AFF3: variants seen among roughly 807,000 people sequenced by gnomAD.
AFF3 encodes the protein ALF transcription elongation factor 3.
A neutral mutation model predicts 129.7 loss-of-function variants in AFF3; 32 were observed. The observed-to-expected ratio is 0.25, with a 90% confidence interval of 0.19 to 0.33. AFF3 has a LOEUF of 0.33. AFF3 is among the 10% of genes least tolerant of loss of function. The pLI, the probability that AFF3 is intolerant of heterozygous loss-of-function variation, is 1.00. For synonymous variants in AFF3, 644 were observed against 635.4 expected (o/e 1.01, Z -0.20); for missense variants, 1,373 against 1,592.0 (o/e 0.86, Z 2.34).
chr2:99,830,701 C>CACCAGCCTG (rs1365875392), intron 8 of AFF3, among the ~76,000 whole-genome samples: 1 of 152,174 alleles, frequency 6.6e-6, no homozygotes, highest in Non-Finnish European at 1.5e-5. Context: ...TGCCACTGTA[C>CACCAGCCTG]ACCAGCCTGG....
chr2:99,678,100 C>T (rs527984749), intron 11 of AFF3, among the ~76,000 whole-genome samples: 5 of 152,348 alleles, frequency 3.3e-5, no homozygotes, highest in East Asian at 1.9e-4. Context: ...ACATTCAAAT[C>T]AGCATTGTCA....
intron 9 of AFF3, among the ~76,000 whole-genome samples, chr2:99,747,842 A>C (rs1034222297): frequency 6.6e-6 from 1 of 152,120 alleles, no homozygotes; most frequent in African/African-American, 2.4e-5. Context: ...GTACATTGAA[A>C]CAACAACTGC....
chr2:99,639,632 G>A (rs1683994661), intron 13 of AFF3, among the ~76,000 whole-genome samples: 1 of 151,812 alleles, frequency 6.6e-6, no homozygotes, highest in African/African-American at 2.4e-5. Flanking sequence ...GAGATTAGCT[G>A]GAAAGGTGTC....
intron 7 of AFF3, among the ~76,000 whole-genome samples, chr2:99,847,830 G>T (rs1300363198): frequency 6.6e-6 from 1 of 152,108 alleles, no homozygotes; most frequent in Admixed American, 6.5e-5. Context: ...GGGAGCTTCA[G>T]AACTGCTTTC....
chr2:99,850,683 T>A (rs1690078919), intron 7 of AFF3, among the ~76,000 whole-genome samples: 2 of 152,236 alleles, frequency 1.3e-5, no homozygotes, highest in African/African-American at 4.8e-5. Flanking sequence ...ATTCTGGTCA[T>A]TTCCAACAAT....
At chr2:99,605,799 C>T (rs1680274003) in intron 13 of AFF3, among the ~76,000 whole-genome samples, 1 of 152,174 alleles carries the variant, frequency 6.6e-6, no homozygotes, top group African/African-American at 2.4e-5. Context: ...CATCCCTCCT[C>T]AGCCTCCCAA....
At chr2:100,024,630 T>A (rs976741140) in intron 4 of AFF3, among the ~76,000 whole-genome samples, 5 of 151,542 alleles carry the variant, frequency 3.3e-5, no homozygotes, top group Admixed American at 6.6e-5. Flanking sequence ...TAATTATTAT[T>A]ATTATTATAA....
intron 13 of AFF3, among the ~76,000 whole-genome samples, chr2:99,615,536 G>A (rs1293099642): frequency 6.6e-6 from 1 of 152,250 alleles, no homozygotes; most frequent in Non-Finnish European, 1.5e-5. Context: ...ACTGGGATGG[G>A]AGCTGCCATG....
chr2:99,881,005 C>T (rs1692672102), intron 7 of AFF3, among the ~76,000 whole-genome samples: 2 of 152,118 alleles, frequency 1.3e-5, no homozygotes, highest in Admixed American at 1.3e-4. Flanking sequence ...CCCGCTATTC[C>T]AACAGGCTTT....
chr2:99,605,580 G>A (rs978558949), intron 13 of AFF3, among the ~76,000 whole-genome samples: 52 of 152,178 alleles, frequency 3.4e-4, no homozygotes, highest in African/African-American at 1.2e-3. Context: ...TTTACCCATC[G>A]TGGGGCAGCT....
At position 99,551,219 on chromosome 2, in the gene AFF3, T is replaced by G. The variant is rs1674381419; in HGVS notation, c.*255A>C. On this transcript the variant is annotated 3_prime_UTR_variant, in exon 25 of 25. Coordinates refer to ENST00000672756, the MANE Select transcript of AFF3 (RefSeq NM_001386135.1). The stretch of plus-strand genomic sequence containing the variant: ...GTCAGAAACCTCTGATCACTTTGTC[T>G]AGCCTGGGATTATGGAAACTAGACA... The G allele has an allele frequency of 9.0e-6, 5 of 557,098 alleles. No homozygotes were observed. The highest frequency in any genetic ancestry group is 1.6e-5 in the Non-Finnish European group (5 of 313,272). The allele number at this position is 557,098 out of a possible 1,614,324, so 34.5% of individuals were successfully genotyped here.
chr2:99,932,588 C>T (rs1039265226), intron 7 of AFF3, among the ~76,000 whole-genome samples: 10 of 152,178 alleles, frequency 6.6e-5, no homozygotes, highest in Admixed American at 1.3e-4. Context: ...TGACGTCCTT[C>T]GCTCAGGGAG....
chr2:100,028,936 G>C (rs931866960), intron 4 of AFF3, among the ~76,000 whole-genome samples: 1 of 151,656 alleles, frequency 6.6e-6, no homozygotes, highest in African/African-American at 2.4e-5. Flanking sequence ...AAAGAACTGA[G>C]AGCGGGGTCT....
intron 1 of AFF3, among the ~76,000 whole-genome samples, chr2:100,136,141 A>C (rs899362763): frequency 1.3e-5 from 2 of 152,342 alleles, no homozygotes; most frequent in South Asian, 4.1e-4. Flanking sequence ...ATTCAAAAGG[A>C]GAGACTGAGT....
intron 13 of AFF3, among the ~76,000 whole-genome samples, chr2:99,631,723 A>C (rs1431401110): frequency 6.6e-6 from 1 of 152,206 alleles, no homozygotes; most frequent in Non-Finnish European, 1.5e-5. Flanking sequence ...CAGTGTACAG[A>C]TATGCCAGTT....
chr2:99,735,064 G>T (rs1680138298), intron 10 of AFF3, among the ~76,000 whole-genome samples: 1 of 151,986 alleles, frequency 6.6e-6, no homozygotes, highest in Non-Finnish European at 1.5e-5. Flanking sequence ...GATTATTCAG[G>T]TTATATTTAT....
intron 8 of AFF3, among the ~76,000 whole-genome samples, chr2:99,765,547 A>T (rs532525396): frequency 6.6e-6 from 1 of 152,350 alleles, no homozygotes; most frequent in Non-Finnish European, 1.5e-5. Flanking sequence ...CCTTATCTGT[A>T]AATTGGTATC....
intron 10 of AFF3, among the ~76,000 whole-genome samples, chr2:99,727,331 G>C (rs1679441190): frequency 6.6e-6 from 1 of 152,218 alleles, no homozygotes. Context: ...GCACAAATCT[G>C]TGAGTAGGTA....
intron 2 of AFF3, among the ~76,000 whole-genome samples, chr2:100,116,407 G>A (rs932068464): frequency 2.6e-5 from 4 of 151,890 alleles, no homozygotes; most frequent in Admixed American, 6.6e-5. Context: ...TGTTCTGATC[G>A]TTCTGTTCCT....
Sources: allele counts gnomAD v4.1 joint callset (sites outside exome capture counted in the v4.1 genomes callset), GRCh38; gene constraint gnomAD v4.1.1; transcripts MANE v1.5; gene names NCBI Gene and HGNC (gene_info 2026-07-23, HGNC 2026-07-21).